Variants in ALLC observed in about 807,000 individuals in gnomAD.
ALLC encodes the protein probable inactive allantoicase.
In ALLC, 40 loss-of-function variants were observed where a neutral mutation model predicts 45.0. The observed-to-expected ratio is 0.89, with a 90% CI of 0.69 to 1.16. ALLC has a LOEUF of 1.16. ALLC is among the 50% of genes most tolerant of loss of function. The pLI, the probability that ALLC is intolerant of heterozygous loss-of-function variation, is 0.00. For synonymous variants in ALLC, 176 were observed against 178.1 expected (o/e 0.99, Z 0.09); for missense variants, 488 against 493.1 (o/e 0.99, Z 0.10).
intron 3 of ALLC, 87 bp downstream of exon 3, chr2:3,674,212 G>T: frequency 1.9e-6 from 2 of 1,029,702 alleles, no homozygotes; most frequent in Non-Finnish European, 1.5e-6. Context: ...TGTATATTTG[G>T]GATGGAGTCA....
chr2:3,680,390 C>G lies in ALLC; in HGVS notation c.298+396C>G, dbSNP rs1027982675. ...TGAGCAGCACCAGCCCTGCTTTGGG[C>G]TGTCCCAGTGTGTGTGATGGGGGAG... On this transcript the variant is annotated intron_variant, in intron 5 of 11. Coordinates refer to ENST00000252505, the MANE Select transcript of ALLC (RefSeq NM_018436.4). This position sits in a 1 kb window ranked among gnomAD's most constrained non-coding sequence, Gnocchi z 4.0. 6.6e-6 allele frequency among the ~76,000 whole-genome samples: 1 copy of G among 152,158 alleles called. No homozygotes were observed. The highest frequency in any genetic ancestry group is 2.4e-5 in the African/African-American group (1 of 41,428).
intron 7 of ALLC, among the ~76,000 whole-genome samples, chr2:3,693,994 G>T (rs1224075721): frequency 6.6e-6 from 1 of 151,344 alleles, no homozygotes; most frequent in Non-Finnish European, 1.5e-5. Flanking sequence ...GTCTCAAAAA[G>T]AAAACAAAAG....
intron 1 of ALLC, among the ~76,000 whole-genome samples, chr2:3,665,133 C>A (rs879570230): frequency 1.3e-5 from 2 of 152,064 alleles, no homozygotes; most frequent in Non-Finnish European, 2.9e-5. Context: ...CCTGTCGCAG[C>A]GAGACGGATC....
intron 2 of ALLC, among the ~76,000 whole-genome samples, chr2:3,672,622 G>A (rs1666916894): frequency 7.4e-6 from 1 of 135,528 alleles, no homozygotes; most frequent in Non-Finnish European, 1.6e-5. Flanking sequence ...TAGATAGGAG[G>A]TCCTCTGGCT....
chr2:3,657,233 G>A (rs1666463854), upstream of ALLC, among the ~76,000 whole-genome samples: 1 of 152,170 alleles, frequency 6.6e-6, no homozygotes, highest in South Asian at 2.1e-4. Flanking sequence ...GAGACGGGCT[G>A]GGGTTGGGGG....
chr2:3,687,511 G>A (rs927213314), intron 7 of ALLC, among the ~76,000 whole-genome samples: 2 of 150,974 alleles, frequency 1.3e-5, no homozygotes, highest in African/African-American at 4.8e-5. Context: ...AGTAAAATTG[G>A]TATTAGTTAT....
chr2:3,697,621 G>GTCTATCA (rs1667711158), intron 10 of ALLC, among the ~76,000 whole-genome samples, 165 bp downstream of exon 10: 1 of 125,326 alleles, frequency 8.0e-6, no homozygotes, highest in African/African-American at 2.8e-5. Context: ...CTGTCTGTCT[G>GTCTATCA]TCTATCTATC....
upstream of ALLC, among the ~76,000 whole-genome samples, chr2:3,657,382 G>C (rs1280339747): frequency 1.3e-5 from 2 of 152,228 alleles, no homozygotes; most frequent in Non-Finnish European, 2.9e-5. Flanking sequence ...GAGCGTGTGG[G>C]TGATGGATCT....
chr2:3,667,833 C>T (rs13397995), intron 1 of ALLC, among the ~76,000 whole-genome samples: 6,309 of 152,276 alleles, frequency 0.041, 455 homozygotes, highest in African/African-American at 0.14. Flanking sequence ...GGCACAATCT[C>T]GGCTCACCGC....
chr2:3,695,942 T>C, intron 8 of ALLC, 70 bp downstream of exon 8: 2 of 1,447,774 alleles, frequency 1.4e-6, no homozygotes, highest in Non-Finnish European at 1.9e-6. Context: ...CCCAATATGG[T>C]CAGAGTGATT....
chr2:3,647,568 T>C, the ALLC span, among the ~76,000 whole-genome samples: 4,281 of 31,080 alleles, frequency 0.14, 15 homozygotes, highest in Middle Eastern at 0.24. Context: ...CTCACCCATC[T>C]TCTCCTGATG....
At chr2:3,654,097 G>A (rs1666392115), upstream of ALLC, among the ~76,000 whole-genome samples, 2 of 152,220 alleles carry the variant, frequency 1.3e-5, no homozygotes, top group Admixed American at 6.5e-5. Context: ...CAGCTGCCAA[G>A]GTGGTTTGCT....
At chr2:3,649,275 T>C in the ALLC span, among the ~76,000 whole-genome samples, 3 of 145,440 alleles carry the variant, frequency 2.1e-5, no homozygotes, top group Non-Finnish European at 4.5e-5. Context: ...GGAGTCTCGC[T>C]CTATTGCCCA....
the ALLC span, among the ~76,000 whole-genome samples, chr2:3,651,656 C>A: frequency 6.6e-6 from 1 of 151,798 alleles, no homozygotes; most frequent in Non-Finnish European, 1.5e-5. Context: ...GTCACTTTGG[C>A]CGTTGATGGC....
intron 7 of ALLC, among the ~76,000 whole-genome samples, chr2:3,687,620 A>G (rs1230377309): frequency 6.6e-6 from 1 of 150,942 alleles, no homozygotes; most frequent in Non-Finnish European, 1.5e-5. Flanking sequence ...CTCATCATTC[A>G]TTATTGGTTT....
intron 1 of ALLC, among the ~76,000 whole-genome samples, chr2:3,663,113 A>G (rs1666615015): frequency 6.6e-6 from 1 of 152,232 alleles, no homozygotes; most frequent in South Asian, 2.1e-4. Flanking sequence ...TGTTACAAAG[A>G]CACATGCATG....
intron 7 of ALLC, chr2:3,695,476 C>T (rs1667638923): frequency 2.1e-6 from 1 of 470,282 alleles, no homozygotes; most frequent in East Asian, 3.8e-5. Flanking sequence ...TTTCTGAGGC[C>T]ATGCCTTTAA....
intron 7 of ALLC, among the ~76,000 whole-genome samples, chr2:3,690,555 T>C (rs1225402862): frequency 6.6e-6 from 1 of 150,380 alleles, no homozygotes; most frequent in East Asian, 2.0e-4. Flanking sequence ...AAATCTATTA[T>C]AGGTTTTTGC....
intron 6 of ALLC, among the ~76,000 whole-genome samples, chr2:3,682,672 C>CG (rs1667214881): frequency 6.6e-6 from 1 of 152,050 alleles, no homozygotes; most frequent in Non-Finnish European, 1.5e-5. Flanking sequence ...ACTACAGGCG[C>CG]CCGCCACCAC....
Sources: allele counts gnomAD v4.1 joint callset (sites outside exome capture counted in the v4.1 genomes callset), GRCh38; gene constraint gnomAD v4.1.1; non-coding constraint Gnocchi (gnomAD v3.1); transcripts MANE v1.5; gene names NCBI Gene and HGNC (gene_info 2026-07-23, HGNC 2026-07-21).